ZNF407: variants seen among roughly 807,000 people sequenced by gnomAD.
ZNF407 encodes zinc finger protein 407.
A neutral mutation model predicts 131.2 loss-of-function variants in ZNF407; 17 were observed. The ratio of observed to expected loss-of-function variants is 0.13; its 90% CI spans 0.09 to 0.19. ZNF407 has a LOEUF of 0.19. Ranked by LOEUF, ZNF407 falls within the 10% of genes least tolerant of loss-of-function variation. The pLI is 1.00. For missense variants in ZNF407, 2,681 were observed against 2,830.6 expected, an observed-to-expected ratio of 0.95 and a Z score of 1.20; for synonymous variants, 1,156 against 1,062.0, an observed-to-expected ratio of 1.09 and a Z score of -1.72.
chr18:75,064,470 A>G lies in ZNF407; in HGVS notation c.*2A>G, dbSNP rs1973687026. On this transcript the variant is annotated 3_prime_UTR_variant, in exon 9 of 9. Transcript: ENST00000299687. ...AGCAGCGAACTCCAGGAAGCATGAG[A>G]CGCGCGGCACCTTTACTCAGCACAG... The G allele has an allele frequency of 1.4e-6, 2 of 1,475,698 alleles. No homozygotes were observed. Among genetic ancestry groups the G allele is most frequent in the East Asian group, 5.0e-5 (2 of 40,324 alleles). 91.4% of individuals were successfully genotyped at this position (1,475,698 alleles called of 1,614,324 possible).
At chr18:74,826,782 G>A (rs888202113) in intron 4 of ZNF407, among the ~76,000 whole-genome samples, 1 of 152,182 alleles carries the variant, frequency 6.6e-6, no homozygotes, top group Non-Finnish European at 1.5e-5. Flanking sequence ...GGCAGCATGA[G>A]GGTTAACGTA....
At chr18:74,949,607 C>T (rs182416118) in intron 8 of ZNF407, among the ~76,000 whole-genome samples, 246 of 152,252 alleles carry the variant, frequency 1.6e-3, no homozygotes, top group Admixed American at 4.3e-3. Context: ...GTGGCCCACA[C>T]TTTTGAGGGA....
chr18:74,921,933 A>G (rs140771792), intron 8 of ZNF407, among the ~76,000 whole-genome samples: 1,870 of 152,362 alleles, frequency 0.012, 29 homozygotes, highest in Non-Finnish European at 0.015. Context: ...TTCTTAATAC[A>G]CTTGACAATA....
intron 3 of ZNF407, among the ~76,000 whole-genome samples, chr18:74,721,964 C>T (rs1968047505): frequency 6.6e-6 from 1 of 151,950 alleles, no homozygotes; most frequent in African/African-American, 2.4e-5. Context: ...CATAAATCAG[C>T]TCTTAATTGT....
intron 4 of ZNF407, among the ~76,000 whole-genome samples, chr18:74,863,697 A>G (rs1237243697): frequency 6.6e-6 from 1 of 152,214 alleles, no homozygotes; most frequent in Non-Finnish European, 1.5e-5. Flanking sequence ...TACTGAAGAT[A>G]ACAACTCTAT....
chr18:74,906,812 T>C (rs1971601481), intron 7 of ZNF407, among the ~76,000 whole-genome samples: 1 of 152,158 alleles, frequency 6.6e-6, no homozygotes, highest in South Asian at 2.1e-4. Context: ...TATGTGCTTG[T>C]ATGTCTGTAT....
intron 8 of ZNF407, among the ~76,000 whole-genome samples, chr18:74,998,533 C>T (rs1183105421): frequency 3.3e-5 from 5 of 152,012 alleles, no homozygotes; most frequent in South Asian, 2.1e-4. Context: ...TTTCAATTAA[C>T]GAAGGACATG....
intron 3 of ZNF407, among the ~76,000 whole-genome samples, chr18:74,689,868 AG>A (rs1302057280): frequency 6.6e-6 from 1 of 152,186 alleles, no homozygotes; most frequent in Non-Finnish European, 1.5e-5. Flanking sequence ...AGGGCAGGAC[AG>A]GTTCAGGCAT....
At chr18:74,931,280 G>T (rs1389768431) in intron 8 of ZNF407, among the ~76,000 whole-genome samples, 2 of 152,170 alleles carry the variant, frequency 1.3e-5, no homozygotes, top group African/African-American at 2.4e-5. Context: ...CTTATAAAAT[G>T]AGAGAAAATA....
intron 8 of ZNF407, among the ~76,000 whole-genome samples, chr18:75,014,380 C>T (rs1300594330): frequency 6.6e-6 from 1 of 151,972 alleles, no homozygotes; most frequent in Non-Finnish European, 1.5e-5. Flanking sequence ...ACACCGAGTG[C>T]CCCCATGTTA....
chr18:74,888,645 G>A (rs1971343934), intron 6 of ZNF407, among the ~76,000 whole-genome samples: 1 of 152,076 alleles, frequency 6.6e-6, no homozygotes, highest in Non-Finnish European at 1.5e-5. Flanking sequence ...GCTCAGTCGA[G>A]TATCAGTTTT....
At chr18:74,881,164 G>A in intron 6 of ZNF407, 45 bp downstream of exon 6, 4 of 1,486,820 alleles carry the variant, frequency 2.7e-6, no homozygotes, top group Non-Finnish European at 3.6e-6. Context: ...AGAGAGGACG[G>A]CAAGACACCC....
chr18:74,811,889 G>A (rs985485624), intron 4 of ZNF407, among the ~76,000 whole-genome samples: 1 of 150,646 alleles, frequency 6.6e-6, no homozygotes, highest in Middle Eastern at 3.2e-3. Context: ...TAAGGGGAAG[G>A]GGGAGGGGGG....
chr18:74,990,895 G>A (rs1415704945), intron 8 of ZNF407, among the ~76,000 whole-genome samples: 1 of 152,154 alleles, frequency 6.6e-6, no homozygotes, highest in Non-Finnish European at 1.5e-5. Flanking sequence ...GGGAAGTGCT[G>A]ATATGTCCTC....
At chr18:74,916,621 G>T (rs1441058063) in intron 7 of ZNF407, among the ~76,000 whole-genome samples, 8 of 106,408 alleles carry the variant, frequency 7.5e-5, no homozygotes, top group Non-Finnish European at 1.3e-4. Flanking sequence ...GCATTGGTTC[G>T]AATCGGGAGT....
At chr18:74,719,525 G>A (rs1263983363) in intron 3 of ZNF407, among the ~76,000 whole-genome samples, 5 of 152,066 alleles carry the variant, frequency 3.3e-5, no homozygotes, top group Admixed American at 6.5e-5. Context: ...TCAGTCTCCC[G>A]AGTACCTGGG....
chr18:74,610,648 C>G (rs907760438), intron 1 of ZNF407, among the ~76,000 whole-genome samples: 2 of 152,128 alleles, frequency 1.3e-5, no homozygotes, highest in African/African-American at 4.8e-5. Flanking sequence ...CTCCCTGGCC[C>G]AAACAATTCT....
rs780097085 is a variant in ZNF407 at position 75,063,650 on chromosome 18, G to A, written c.5929G>A (p.Glu1977Lys). The A allele has an allele frequency of 1.2e-6, 2 of 1,603,124 alleles. No individual in the cohort carries two copies. Among genetic ancestry groups the A allele is most frequent in the Non-Finnish European group, 8.5e-7 (1 of 1,176,010 alleles). The change falls in exon 9 of 9, where the codon GAG (glutamate) becomes AAG (lysine). Residue 1977 changes from glutamate to lysine, a missense_variant. Glu to Lys is a moderately conservative substitution (Grantham distance 56). Coordinates refer to ENST00000299687, the MANE Select transcript of ZNF407 (RefSeq NM_017757.3). This position sits in a 1 kb window ranked among gnomAD's most constrained non-coding sequence, Gnocchi z 6.6. ...VTKQEILNLS[E>K]AGVAPPEASS... is the part of the protein sequence containing the mutation. Reference sequence around the variant, plus strand: ...CAAGCAGGAGATTTTAAACCTCTCGGAGGCTGGAGTCGCTCCCCCCGAGGC... The same window carrying A: ...CAAGCAGGAGATTTTAAACCTCTCGAAGGCTGGAGTCGCTCCCCCCGAGGC...
intron 7 of ZNF407, among the ~76,000 whole-genome samples, chr18:74,891,541 A>T (rs897349511): frequency 6.6e-6 from 1 of 152,216 alleles, no homozygotes; most frequent in African/African-American, 2.4e-5. Flanking sequence ...GATATTACAG[A>T]TATATTTCAT....
Sources: gnomAD v4.1 joint callset for allele counts (sites outside exome capture counted in the v4.1 genomes callset) on GRCh38, gnomAD v4.1.1 for gene constraint, Gnocchi (gnomAD v3.1) non-coding constraint, MANE v1.5 for transcripts, NCBI Gene and HGNC (gene_info 2026-07-23, HGNC 2026-07-21) for gene names.